Variants in GCLM observed in about 807,000 individuals in gnomAD.
GCLM encodes the protein glutamate-cysteine ligase modifier subunit, also known as glutamate--cysteine ligase regulatory subunit.
A neutral mutation model predicts 36.0 loss-of-function variants in GCLM; 15 were observed. That is an observed-to-expected ratio of 0.42 (90% CI 0.28 to 0.64). GCLM has a LOEUF of 0.64. GCLM is among the 30% of genes least tolerant of loss of function. GCLM has a pLI of 0.25. For missense variants in GCLM, 242 were observed against 325.5 expected, an observed-to-expected ratio of 0.74 and a Z score of 1.97; for synonymous variants, 129 against 122.8, an observed-to-expected ratio of 1.05 and a Z score of -0.34.
At chr1:93,903,980 C>G (rs1235067669) in intron 2 of GCLM, among the ~76,000 whole-genome samples, 2 of 152,142 alleles carry the variant, frequency 1.3e-5, no homozygotes, top group Non-Finnish European at 2.9e-5. Context: ...CCAGGGGAAC[C>G]AGTATTTCCA....
chr1:93,902,384 T>C (rs1287350263), intron 2 of GCLM, among the ~76,000 whole-genome samples: 1 of 152,112 alleles, frequency 6.6e-6, no homozygotes, highest in Non-Finnish European at 1.5e-5. Context: ...TTCACCGTGT[T>C]AGCCAGGATG....
Position 93,898,303 on chromosome 1 carries a change from G to GAAAAAAAAAAAAA in GCLM, c.278-418_278-406dup. Among the ~76,000 whole-genome samples the GAAAAAAAAAAAAA allele has an allele frequency of 5.8e-3, 95 of 16,430 alleles. 26 individuals are homozygous for GAAAAAAAAAAAAA. Among genetic ancestry groups the GAAAAAAAAAAAAA allele is most frequent in the East Asian group, 8.7e-3 (4 of 458 alleles). The allele number at this position is 16,430 out of a possible 152,430, so 10.8% of individuals were successfully genotyped here. A position where few individuals can be genotyped will look rare whatever the true frequency, so the allele number is the denominator to read the frequency against. On this transcript the variant is annotated intron_variant, in intron 3 of 6. Coordinates refer to ENST00000370238, the MANE Select transcript of GCLM (RefSeq NM_002061.4). The stretch of plus-strand genomic sequence containing the variant: ...TTGAAAATGTAATGAGAAGAAAACT[G>GAAAAAAAAAAAAA]AAAAAAAAAAAAAAAAAAAAAAAAA...
chr1:93,900,212 C>T (rs1656897255), intron 3 of GCLM, among the ~76,000 whole-genome samples: 1 of 152,080 alleles, frequency 6.6e-6, no homozygotes, highest in African/African-American at 2.4e-5. Context: ...GAAAGCCCCC[C>T]CCAATACTAT....
Position 93,896,629 on chromosome 1 carries a change from G to A in GCLM, c.529C>T (p.Gln177Ter). ...CTGCCATCCCTCACCTGTGCCCACTGATACAGCTGTTCCAACTGTGTTTTG... is the reference window on the plus strand; with the variant it reads ...CTGCCATCCCTCACCTGTGCCCACTAATACAGCTGTTCCAACTGTGTTTTG... The part of the protein sequence containing the change: ...LDKTQLEQLY[Q>*]WAQVKPNSNQ... Residue 177 changes from glutamine (Q) to a stop codon, truncating the protein, a stop_gained, in exon 5 of 7, where the codon CAG becomes TAG. Transcript: ENST00000370238. LOFTEE classifies it high-confidence loss of function. The A allele has an allele frequency of 6.2e-7, 1 of 1,612,878 alleles. No individual in the cohort carries two copies. Among genetic ancestry groups the A allele is most frequent in the Non-Finnish European group, 8.5e-7 (1 of 1,178,838 alleles).
intron 1 of GCLM, among the ~76,000 whole-genome samples, chr1:93,906,512 T>G (rs1657152479): frequency 6.6e-6 from 1 of 152,194 alleles, no homozygotes; most frequent in African/African-American, 2.4e-5. Context: ...AAGTCTATTT[T>G]TATAGTATTC....
intron 2 of GCLM, among the ~76,000 whole-genome samples, chr1:93,903,401 C>G (rs1022829352): frequency 1.6e-4 from 25 of 151,852 alleles, no homozygotes; most frequent in African/African-American, 6.0e-4. Context: ...ACCTCTGCCT[C>G]CCAGGTTCAA....
intron 3 of GCLM, among the ~76,000 whole-genome samples, chr1:93,900,037 CTTCTACGT>C (rs1489011430): frequency 6.6e-6 from 1 of 152,118 alleles, no homozygotes; most frequent in Admixed American, 6.6e-5. Flanking sequence ...AACACATTTT[CTTCTACGT>C]TTCTTATATG....
At chr1:93,896,546 C>A in intron 5 of GCLM, 72 bp downstream of exon 5, 1 of 1,231,504 alleles carries the variant, frequency 8.1e-7, no homozygotes, top group Non-Finnish European at 1.2e-6. Flanking sequence ...GTGCATGATG[C>A]TCAACAGTGT....
chr1:93,901,806 G>A (rs1656959519), intron 2 of GCLM, 137 bp from the exon 3 acceptor site: 1 of 572,134 alleles, frequency 1.7e-6, no homozygotes, highest in Non-Finnish European at 3.1e-6. Context: ...AGGTCTGGGT[G>A]GGCTTCACAA....
At chr1:93,901,956 A>G (rs1296450168) in intron 2 of GCLM, among the ~76,000 whole-genome samples, 1 of 151,994 alleles carries the variant, frequency 6.6e-6, no homozygotes, top group East Asian at 1.9e-4. Context: ...AAAATAAACA[A>G]GCAGTGGAGG....
At chr1:93,894,250 C>T (rs907087964) in intron 6 of GCLM, among the ~76,000 whole-genome samples, 1 of 133,110 alleles carries the variant, frequency 7.5e-6, no homozygotes, top group African/African-American at 3.3e-5. Context: ...CAGAACAAGA[C>T]TCCATCTCAA....
rs544654946 is a variant in GCLM at position 93,905,007 on chromosome 1, C to G, written c.127-419G>C. Among the ~76,000 whole-genome samples, 80 of 152,000 alleles carry G rather than the reference C, an allele frequency of 5.3e-4. 1 individual carries two copies. Among genetic ancestry groups the G allele is most frequent in the African/African-American group, 1.9e-3 (78 of 41,448 alleles). On this transcript the variant is annotated intron_variant, in intron 1 of 6. Transcript: ENST00000370238. ...TGGCCAACATGGTGAAACCCTGTCT[C>G]TACTAAAAATACAAAAATCATGTGG...
At chr1:93,898,799 T>C (rs1177827554) in intron 3 of GCLM, among the ~76,000 whole-genome samples, 5 of 152,078 alleles carry the variant, frequency 3.3e-5, no homozygotes, top group African/African-American at 7.2e-5. Flanking sequence ...TAATTTTCAT[T>C]TTTTTGTAGA....
Position 93,904,592 on chromosome 1 carries a change from C to T in GCLM, c.127-4G>A. 6.3e-7 allele frequency: 1 copy of T among 1,593,658 alleles called. No individual in the cohort carries two copies. Among genetic ancestry groups the T allele is most frequent in the Non-Finnish European group, 8.6e-7 (1 of 1,161,548 alleles). On this transcript the variant is annotated splice_region_variant and splice_polypyrimidine_tract_variant and intron_variant, in intron 1 of 6. Transcript: ENST00000370238. The stretch of plus-strand genomic sequence containing the variant: ...TTTTTTGGATACAATCATGAAGCTG[C>T]AAAAGGAATGCATTTTGAAACTGTT...
intron 3 of GCLM, among the ~76,000 whole-genome samples, chr1:93,898,871 A>G (rs988051873): frequency 1.3e-5 from 2 of 152,080 alleles, no homozygotes; most frequent in Admixed American, 6.5e-5. Flanking sequence ...AATCTTCCCA[A>G]GGTGCTAGGA....
Position 93,896,752 on chromosome 1 carries a change from C to T in GCLM, c.406G>A (p.Val136Ile). 6.2e-7 allele frequency: 1 copy of T among 1,610,964 alleles called. No homozygotes were observed. The highest frequency in any genetic ancestry group is 8.5e-7 in the Non-Finnish European group (1 of 1,177,078). The change falls in exon 5 of 7, where the codon GTT (valine) becomes ATT (isoleucine). Residue 136 changes from valine to isoleucine, a missense_variant. By Grantham distance (29) the Val-to-Ile change is conservative (BLOSUM62 3). Coordinates refer to ENST00000370238, the MANE Select transcript of GCLM (RefSeq NM_002061.4). ...TGTAAATGCTCCAAGGAAAGATTAA[C>T]TCCATCTTCAATAGGAGGTGAAGCA... ...IIASPPIEDGVNLSLEHLQPY... is the reference protein window; with the variant it reads ...IIASPPIEDGINLSLEHLQPY...
At chr1:93,892,149 A>G (rs1310918884) in intron 6 of GCLM, among the ~76,000 whole-genome samples, 6 of 152,188 alleles carry the variant, frequency 3.9e-5, no homozygotes, top group African/African-American at 1.4e-4. Context: ...ATAAAAATGG[A>G]AAGTTCTAAA....
At chr1:93,905,064 G>A (rs183398259) in intron 1 of GCLM, among the ~76,000 whole-genome samples, 440 of 151,778 alleles carry the variant, frequency 2.9e-3, no homozygotes, top group African/African-American at 9.9e-3. Flanking sequence ...GTAGCTACTC[G>A]GGTGGCTGAG....
Sources: allele counts gnomAD v4.1 joint callset (sites outside exome capture counted in the v4.1 genomes callset), GRCh38; gene constraint gnomAD v4.1.1; transcripts MANE v1.5; gene names NCBI Gene and HGNC (gene_info 2026-07-23, HGNC 2026-07-21).